The following SEPTIN10 variants were observed in gnomAD, a reference collection of about 807,000 sequenced individuals.
SEPTIN10 encodes the protein septin 10.
Under a neutral mutation model 54.8 loss-of-function variants are expected in SEPTIN10, and 66 were observed. The observed-to-expected ratio is 1.21, with a 90% confidence interval of 0.99 to 1.48. The LOEUF (loss-of-function observed/expected upper bound fraction) is 1.48, where lower values mean the gene tolerates loss of function less well. SEPTIN10 is among the 40% of genes most tolerant of loss of function. SEPTIN10 has a pLI of 0.00. For missense variants in SEPTIN10, 620 were observed against 545.6 expected, an observed-to-expected ratio of 1.14 and a Z score of -1.36; for synonymous variants, 161 against 181.0, an observed-to-expected ratio of 0.89 and a Z score of 0.89.
At chr2:109,565,020 T>A (rs1686634484) in intron 7 of SEPTIN10, among the ~76,000 whole-genome samples, 2 of 152,340 alleles carry the variant, frequency 1.3e-5, no homozygotes, top group East Asian at 3.9e-4. Context: ...GATCCTGTGT[T>A]AGACACTATT....
At chr2:109,585,409 C>A in intron 3 of SEPTIN10, 88 bp from the exon 4 acceptor site, 2 of 1,132,210 alleles carry the variant, frequency 1.8e-6, no homozygotes, top group Non-Finnish European at 2.5e-6. Flanking sequence ...TTCAAAGATC[C>A]CAAATATTTC....
At chr2:109,608,109 A>C (rs1408195942) in intron 1 of SEPTIN10, among the ~76,000 whole-genome samples, 1 of 152,242 alleles carries the variant, frequency 6.6e-6, no homozygotes, top group Non-Finnish European at 1.5e-5. Flanking sequence ...AAGGTCTTTT[A>C]TAACAAAAGC....
chr2:109,564,857 C>T (rs1002642011), intron 7 of SEPTIN10, among the ~76,000 whole-genome samples: 2 of 152,178 alleles, frequency 1.3e-5, no homozygotes, highest in African/African-American at 4.8e-5. Context: ...ATTTTGTTAG[C>T]AGTTTACAAA....
chr2:109,612,389 T>C lies in SEPTIN10; in HGVS notation c.30+1409A>G, dbSNP rs545577229. Among the ~76,000 whole-genome samples, 17 of 152,324 alleles carry C rather than the reference T, an allele frequency of 1.1e-4. 1 individual carries two copies. The South Asian group carries it at 3.5e-3, about 32-fold the overall frequency. The stretch of plus-strand genomic sequence containing the variant: ...CTGGGAACATCCTTTATCTTCACTG[T>C]ATCAATCAATGACAATATGCTGGTT... On this transcript the variant is annotated intron_variant, in intron 1 of 10. Coordinates refer to ENST00000397712, the MANE Select transcript of SEPTIN10 (RefSeq NM_144710.5).
chr2:109,602,973 A>C (rs912800755), intron 1 of SEPTIN10, among the ~76,000 whole-genome samples: 1 of 151,346 alleles, frequency 6.6e-6, no homozygotes, highest in African/African-American at 2.4e-5. Context: ...TGGAAGACTG[A>C]GGCAGGAGGA....
chr2:109,574,727 C>A lies in SEPTIN10; in HGVS notation c.454G>T (p.Ala152Ser). 6.2e-7 allele frequency: 1 copy of A among 1,600,060 alleles called. No homozygotes were observed. The highest frequency in any genetic ancestry group is 8.5e-7 in the Non-Finnish European group (1 of 1,173,732). Residue 152 changes from alanine to serine, a missense_variant, in exon 5 of 11, where the codon GCC becomes TCC. By Grantham distance (99) the Ala-to-Ser change is moderately conservative. Transcript: ENST00000397712. The stretch of plus-strand genomic sequence containing the variant: ...ATCTTCAGTTCTTCTTGGAGATAGG[C>A]CTCAAACTGAGCATCTATGTAGTCA... ...IVDYIDAQFE[A>S]YLQEELKIKR...
chr2:109,545,462 T>C lies in SEPTIN10; in HGVS notation c.1349+588A>G, dbSNP rs545220834. On this transcript the variant is annotated intron_variant, in intron 10 of 10. Transcript: ENST00000397712. ...CCTTGCACTGTGGCCCTCTCTACCT[T>C]TCTCTGCGTCTTTACGTCCACCATT... 6.2e-5 allele frequency: 96 copies of C among 1,536,156 alleles called. No homozygotes were observed. The African/African-American group carries it at 1.2e-3, about 19-fold the overall frequency.
At chr2:109,545,846 T>A in intron 10 of SEPTIN10, 1 of 1,437,746 alleles carries the variant, frequency 7.0e-7, no homozygotes, top group Non-Finnish European at 9.1e-7. Flanking sequence ...ACTGAACACA[T>A]AACATGTGCC....
intron 2 of SEPTIN10, among the ~76,000 whole-genome samples, chr2:109,591,240 T>C (rs1694007263): frequency 6.6e-6 from 1 of 152,218 alleles, no homozygotes; most frequent in South Asian, 2.1e-4. Context: ...TGTTATCTGA[T>C]AGGCATATGC....
At chr2:109,579,336 T>C (rs1321453575) in intron 4 of SEPTIN10, among the ~76,000 whole-genome samples, 2 of 151,856 alleles carry the variant, frequency 1.3e-5, no homozygotes, top group East Asian at 3.9e-4. Flanking sequence ...TTAAGTTCCA[T>C]CAAATATTCC....
chr2:109,601,559 C>T (rs1233408918), intron 1 of SEPTIN10, among the ~76,000 whole-genome samples: 1 of 152,160 alleles, frequency 6.6e-6, no homozygotes, highest in Non-Finnish European at 1.5e-5. Context: ...TGTTTTCCCA[C>T]TTGCCTATCA....
In SEPTIN10 at chr2:109,560,054, G is replaced by A. The variant is rs543964808; in HGVS notation, c.1028+4312C>T. On this transcript the variant is annotated intron_variant, in intron 8 of 10. Coordinates refer to ENST00000397712, the MANE Select transcript of SEPTIN10 (RefSeq NM_144710.5). Reference sequence around the variant, plus strand: ...TCCTGCCTCAGCCTCCCAAGTAGCCGGGACTACAGGTGCCCGCCACCACGC... The same window carrying A: ...TCCTGCCTCAGCCTCCCAAGTAGCCAGGACTACAGGTGCCCGCCACCACGC... Among the ~76,000 whole-genome samples, 140 of 151,728 alleles carry A rather than the reference G, an allele frequency of 9.2e-4. 1 individual carries two copies. In the South Asian group the frequency reaches 0.017, roughly 19 times the overall value.
intron 4 of SEPTIN10, among the ~76,000 whole-genome samples, chr2:109,584,377 A>G (rs566664921): frequency 6.8e-6 from 1 of 147,032 alleles, no homozygotes; most frequent in Non-Finnish European, 1.5e-5. Flanking sequence ...CGGGAGGCTG[A>G]GGCAGGATAA....
rs1220353396 is a variant in SEPTIN10, at chr2:109,568,032, C to A, written c.601-56G>T. The A allele has an allele frequency of 3.7e-6, 5 of 1,361,420 alleles. No individual in the cohort carries two copies. The African/African-American group carries it at 5.9e-5, about 16-fold the overall frequency. 84.3% of individuals were successfully genotyped at this position (1,361,420 alleles called of 1,614,324 possible). On this transcript the variant is annotated intron_variant, in intron 5 of 10. Coordinates refer to ENST00000397712, the MANE Select transcript of SEPTIN10 (RefSeq NM_144710.5). ...CTGAGGATTTTTTTTTTTAATCCTG[C>A]AGCTGTTTTTTCACTCAAAACTGTT...
At chr2:109,576,831 AC>A (rs564426849) in intron 4 of SEPTIN10, among the ~76,000 whole-genome samples, 196 of 152,340 alleles carry the variant, frequency 1.3e-3, no homozygotes, top group African/African-American at 4.5e-3. Flanking sequence ...AGAGTAAAAG[AC>A]ACAGAAGATA....
intron 4 of SEPTIN10, among the ~76,000 whole-genome samples, chr2:109,577,068 C>T (rs1157426147): frequency 6.6e-6 from 1 of 151,840 alleles, no homozygotes; most frequent in East Asian, 1.9e-4. Context: ...AAACAAAGAT[C>T]TTAAAAGCAT....
intron 2 of SEPTIN10, among the ~76,000 whole-genome samples, chr2:109,586,412 C>T (rs1449017419): frequency 6.6e-6 from 1 of 150,536 alleles, no homozygotes; most frequent in Admixed American, 7.0e-5. Context: ...TAGCTTTTTC[C>T]CTGAAGGCAC....
intron 9 of SEPTIN10, among the ~76,000 whole-genome samples, chr2:109,549,138 T>C (rs1260874906): frequency 6.6e-6 from 1 of 152,194 alleles, no homozygotes; most frequent in Non-Finnish European, 1.5e-5. Context: ...TCCCCAGATG[T>C]CATTCAAATC....
intron 10 of SEPTIN10, chr2:109,544,567 A>G (rs1055669632): frequency 2.0e-6 from 2 of 981,436 alleles, no homozygotes; most frequent in African/African-American, 3.5e-5. Flanking sequence ...GCAGGGTGAT[A>G]ATTTTTACAA....
Sources: allele counts gnomAD v4.1 joint callset (sites outside exome capture counted in the v4.1 genomes callset), GRCh38; gene constraint gnomAD v4.1.1; transcripts MANE v1.5; gene names NCBI Gene and HGNC (gene_info 2026-07-23, HGNC 2026-07-21).